ITGA1: variants seen among roughly 807,000 people sequenced by gnomAD.
ITGA1 encodes the protein integrin alpha-1.
In ITGA1, 85 loss-of-function variants were observed where a neutral mutation model predicts 145.9. The observed-to-expected ratio is 0.58, with a 90% CI of 0.49 to 0.70. The LOEUF is 0.70. Among genes scored for constraint, ITGA1 ranks in the 30% least tolerant of loss-of-function variants. The probability of loss-of-function intolerance (pLI) is 0.00; values close to 1 mark genes in which losing one functional copy is unlikely to be tolerated. For synonymous variants in ITGA1, 520 were observed against 495.3 expected, an observed-to-expected ratio of 1.05 and a Z score of -0.66; for missense variants, 1,351 against 1,418.7, an observed-to-expected ratio of 0.95 and a Z score of 0.77.
At chr5:52,892,535 C>T (rs1300343017) in intron 8 of ITGA1, among the ~76,000 whole-genome samples, 1 of 152,146 alleles carries the variant, frequency 6.6e-6, no homozygotes, top group Non-Finnish European at 1.5e-5. Flanking sequence ...ATGTCTATTA[C>T]AGAGACCTAC....
In ITGA1 at chr5:52,910,401, A is replaced by C; in HGVS notation, c.1839A>C (p.Ile613=). ...TTTATCATGGAAGTGGCAAGACTATAAGGAAAGAGTATGCACAAGTAAGAA... is the reference window on the plus strand; with the variant it reads ...TTTATCATGGAAGTGGCAAGACTATCAGGAAAGAGTATGCACAAGTAAGAA... The part of the protein sequence containing the change: ...VYIYHGSGKT[I]RKEYAQRIPS... Residue 613 remains isoleucine, a synonymous_variant, in exon 14 of 29, where the codon ATA becomes ATC. Transcript: ENST00000282588. 6.2e-7 allele frequency: 1 copy of C among 1,613,602 alleles called. No individual in the cohort carries two copies. The highest frequency in any genetic ancestry group is 8.5e-7 in the Non-Finnish European group (1 of 1,179,652).
chr5:52,803,517 C>CT (rs1480203681), intron 1 of ITGA1: 6 of 152,118 alleles, frequency 3.9e-5, no homozygotes, highest in African/African-American at 1.2e-4. Context: ...ATAACCAATA[C>CT]ATGTTAGGCC....
chr5:52,916,622 A>G (rs1750652084), intron 15 of ITGA1, among the ~76,000 whole-genome samples: 1 of 152,112 alleles, frequency 6.6e-6, no homozygotes, highest in African/African-American at 2.4e-5. Context: ...AAAAACCTTT[A>G]CAATAGAGGG....
chr5:52,910,551 T>C (rs1293933382), intron 14 of ITGA1, 132 bp downstream of exon 14: 1 of 915,000 alleles, frequency 1.1e-6, no homozygotes, highest in Non-Finnish European at 1.6e-6. Context: ...TTTAATTCTC[T>C]TTAAGTGTTT....
At chr5:52,889,274 T>A (rs12697099) in intron 8 of ITGA1, among the ~76,000 whole-genome samples, 47,932 of 151,710 alleles carry the variant, frequency 0.32, 7,886 homozygotes, top group Admixed American at 0.42. Flanking sequence ...GCTAATTTTT[T>A]TATTTTTAGT....
chr5:52,953,293 C>G lies in ITGA1; in HGVS notation c.*842C>G, dbSNP rs1308411750. 6.6e-6 allele frequency: 1 copy of G among 152,114 alleles called. No individual in the cohort carries two copies. The highest frequency in any genetic ancestry group is 1.5e-5 in the Non-Finnish European group (1 of 68,022). 9.4% of individuals were successfully genotyped at this position (152,114 alleles called of 1,614,324 possible). A position where few individuals can be genotyped will look rare whatever the true frequency, so the allele number is the denominator to read the frequency against. ...TATGGGGGACATGCTAAAATGGCTT[C>G]TGAATGAAATACGACAGCAGAGAAA... On this transcript the variant is annotated 3_prime_UTR_variant, in exon 29 of 29. Coordinates refer to ENST00000282588, the MANE Select transcript of ITGA1 (RefSeq NM_181501.2).
intron 26 of ITGA1, among the ~76,000 whole-genome samples, chr5:52,942,244 C>T (rs1417115937): frequency 6.6e-6 from 1 of 152,124 alleles, no homozygotes; most frequent in African/African-American, 2.4e-5. Context: ...CTTAGGATTG[C>T]TTTGGCTACC....
Position 52,910,433 on chromosome 5 carries a change from C to A in ITGA1, c.1857+14C>A. On this transcript the variant is annotated intron_variant, in intron 14 of 28. Transcript: ENST00000282588. ...GAGTATGCACAAGTAAGAATTGAAA[C>A]CTACAGATTCCCACCCTTCAGTGAT... 4 of 1,604,634 alleles carry A rather than the reference C, an allele frequency of 2.5e-6. No homozygotes were observed. The highest frequency in any genetic ancestry group is 3.4e-6 in the Non-Finnish European group (4 of 1,172,452).
At chr5:52,947,499 A>G in intron 28 of ITGA1, 38 bp downstream of exon 28, 3 of 1,135,828 alleles carry the variant, frequency 2.6e-6, no homozygotes, top group South Asian at 1.2e-5. Flanking sequence ...TACTTCAATC[A>G]TCAACAGCAA....
Position 52,955,419 on chromosome 5 carries a change from A to G in ITGA1, c.*2968A>G, listed in dbSNP as rs1210671042. Reference sequence around the variant, plus strand: ...TATTGATAGAGAACATGTTGTGTCTATATACATATCCAATGACACACAGTA... The same window carrying G: ...TATTGATAGAGAACATGTTGTGTCTGTATACATATCCAATGACACACAGTA... On this transcript the variant is annotated 3_prime_UTR_variant, in exon 29 of 29. Coordinates refer to ENST00000282588, the MANE Select transcript of ITGA1 (RefSeq NM_181501.2). The G allele has an allele frequency of 6.6e-6, 1 of 152,262 alleles. No individual in the cohort carries two copies. The allele number at this position is 152,262 out of a possible 1,614,324, so 9.4% of individuals were successfully genotyped here.
intron 1 of ITGA1, chr5:52,801,132 T>A: frequency 2.5e-6 from 4 of 1,583,134 alleles, no homozygotes; most frequent in Non-Finnish European, 3.4e-6. Flanking sequence ...TAAAACAATC[T>A]TACCCAGGGA....
In ITGA1 at chr5:52,801,594, A is replaced by C. The variant is rs140897877; in HGVS notation, c.61+13180A>C. The stretch of plus-strand genomic sequence containing the variant: ...TCAAGCAGGTGGAGAAGGCCAATGA[A>C]GCCATGGCAATTGACACATTGCTCA... On this transcript the variant is annotated intron_variant, in intron 1 of 28. Transcript: ENST00000282588. The C allele has an allele frequency of 1.2e-6, 2 of 1,614,050 alleles. No individual in the cohort carries two copies. The highest frequency in any genetic ancestry group is 1.7e-6 in the Non-Finnish European group (2 of 1,179,892).
In ITGA1 at chr5:52,955,460, T is replaced by A. The variant is rs560597877; in HGVS notation, c.*3009T>A. ...ACACACAGTATAATCATGTTTTAAA[T>A]TATGCCAAAAGTACTGATTATATCA... On this transcript the variant is annotated 3_prime_UTR_variant, in exon 29 of 29. Transcript: ENST00000282588. The A allele has an allele frequency of 6.6e-6, 1 of 152,320 alleles. No homozygotes were observed. Among genetic ancestry groups the A allele is most frequent in the East Asian group, 1.9e-4 (1 of 5,182 alleles). The allele number at this position is 152,320 out of a possible 1,614,324, so 9.4% of individuals were successfully genotyped here. A position where few individuals can be genotyped will look rare whatever the true frequency, so the allele number is the denominator to read the frequency against.
chr5:52,830,990 G>A (rs1749052570), intron 1 of ITGA1, among the ~76,000 whole-genome samples: 1 of 152,166 alleles, frequency 6.6e-6, no homozygotes, highest in South Asian at 2.1e-4. Flanking sequence ...AAGTCAGTGT[G>A]AGTCCTGCAT....
intron 2 of ITGA1, among the ~76,000 whole-genome samples, chr5:52,856,709 A>T (rs1749518818): frequency 7.5e-6 from 1 of 132,984 alleles, no homozygotes; most frequent in Non-Finnish European, 1.6e-5. Context: ...AGAGAGAGAG[A>T]GAGAAGCCAC....
intron 19 of ITGA1, among the ~76,000 whole-genome samples, chr5:52,925,714 C>G (rs748049941): frequency 1.3e-5 from 2 of 152,106 alleles, no homozygotes; most frequent in Non-Finnish European, 2.9e-5. Flanking sequence ...AAAAGGATAG[C>G]TCATGTATAA....
At chr5:52,860,356 G>A (rs944560106) in intron 2 of ITGA1, among the ~76,000 whole-genome samples, 1 of 151,964 alleles carries the variant, frequency 6.6e-6, no homozygotes, top group African/African-American at 2.4e-5. Flanking sequence ...GACTATCCTG[G>A]CCAACATGGT....
chr5:52,927,538 T>A, intron 19 of ITGA1, 46 bp from the exon 20 acceptor site: 2 of 1,346,852 alleles, frequency 1.5e-6, no homozygotes, highest in South Asian at 1.3e-5. Flanking sequence ...CGTATCAATA[T>A]TTCACCTGCT....
At chr5:52,948,068 T>A (rs1387184554) in intron 28 of ITGA1, among the ~76,000 whole-genome samples, 2 of 152,118 alleles carry the variant, frequency 1.3e-5, no homozygotes, top group African/African-American at 4.8e-5. Flanking sequence ...TAAATGTGAG[T>A]AACCACCTAT....
Sources: allele counts gnomAD v4.1 joint callset (sites outside exome capture counted in the v4.1 genomes callset), GRCh38; gene constraint gnomAD v4.1.1; transcripts MANE v1.5; gene names NCBI Gene and HGNC (gene_info 2026-07-23, HGNC 2026-07-21).